SLC16A2: variants seen among roughly 807,000 people sequenced by gnomAD.
SLC16A2 encodes monocarboxylate transporter 8.
In SLC16A2, 3 loss-of-function variants were observed where a neutral mutation model predicts 27.2. The ratio of observed to expected loss-of-function variants is 0.11; its 90% CI spans 0.05 to 0.28. The LOEUF (loss-of-function observed/expected upper bound fraction) is 0.28, where lower values mean the gene tolerates loss of function less well. Among genes scored for constraint, SLC16A2 ranks in the 10% least tolerant of loss-of-function variants. SLC16A2 has a pLI of 1.00. For missense variants in SLC16A2, 295 were observed against 458.5 expected (o/e 0.64, Z 3.26); for synonymous variants, 202 against 187.8 (o/e 1.08, Z -0.62).
At chrX:74,482,396 C>T (rs749586312) in intron 1 of SLC16A2, among the ~76,000 whole-genome samples, 113 of 111,227 alleles carry the variant, frequency 1.0e-3, no homozygotes, top group African/African-American at 1.3e-3. Flanking sequence ...GTTTATTTCT[C>T]GCTCTCTTCT....
rs762205227 is a variant in SLC16A2, at chrX:74,531,532, C to G, written c.1599C>G (p.Pro533=). 5 of 1,206,255 alleles carry G rather than the reference C, an allele frequency of 4.1e-6. No individual in the cohort carries two copies. In the Admixed American group the frequency reaches 6.5e-5, roughly 16 times the overall value. ...DPNGELLPGS[P]NPEEPI is the part of the protein sequence containing the mutation. ...ATGGGGAGCTACTGCCGGGCTCCCCCAACCCTGAGGAACCAATCTAATGCC... is the reference window on the plus strand; with the variant it reads ...ATGGGGAGCTACTGCCGGGCTCCCCGAACCCTGAGGAACCAATCTAATGCC... The change falls in exon 6 of 6, where the codon CCC becomes CCG. Residue 533 remains proline, a synonymous_variant. Coordinates refer to ENST00000587091, the MANE Select transcript of SLC16A2 (RefSeq NM_006517.5).
At chrX:74,489,045 T>C (rs187992420) in intron 1 of SLC16A2, among the ~76,000 whole-genome samples, 1 of 112,135 alleles carries the variant, frequency 8.9e-6, no homozygotes, top group Non-Finnish European at 1.9e-5. Context: ...ATTTCTTTCA[T>C]TATATTTACC....
intron 1 of SLC16A2, among the ~76,000 whole-genome samples, chrX:74,480,501 G>A (rs918499686): frequency 4.5e-5 from 5 of 112,190 alleles, no homozygotes; most frequent in African/African-American, 1.6e-4. Context: ...TGCACCCACT[G>A]TCTGACAATC....
chrX:74,499,869 T>C (rs1351360892), intron 1 of SLC16A2, among the ~76,000 whole-genome samples: 1 of 111,526 alleles, frequency 9.0e-6, no homozygotes, highest in African/African-American at 3.3e-5. Flanking sequence ...GTCTGCAAGC[T>C]GGGAAGAGAA....
intron 1 of SLC16A2, among the ~76,000 whole-genome samples, chrX:74,433,706 G>A (rs1928573483): frequency 1.8e-5 from 2 of 111,787 alleles, no homozygotes; most frequent in African/African-American, 6.5e-5. Context: ...AGTTCATAAA[G>A]TCTTCATTTT....
chrX:74,447,567 C>T (rs1212749031), intron 1 of SLC16A2, among the ~76,000 whole-genome samples: 4 of 110,014 alleles, frequency 3.6e-5, no homozygotes, highest in Admixed American at 9.8e-5. Context: ...CCTAGCTACT[C>T]AGGAGGCTGG....
At chrX:74,507,645 C>G (rs773808417) in intron 1 of SLC16A2, among the ~76,000 whole-genome samples, 7 of 111,988 alleles carry the variant, frequency 6.3e-5, no homozygotes, top group Non-Finnish European at 3.8e-5. Flanking sequence ...TGGAATCAAC[C>G]TAGGTGTCCA....
chrX:74,527,540 C>G (rs541042983), intron 4 of SLC16A2, among the ~76,000 whole-genome samples: 244 of 112,235 alleles, frequency 2.2e-3, no homozygotes, highest in South Asian at 7.8e-3. Flanking sequence ...AAGACAAGCA[C>G]ATATCTCTGG....
chrX:74,465,964 G>A (rs1422151976), intron 1 of SLC16A2, among the ~76,000 whole-genome samples: 1 of 111,147 alleles, frequency 9.0e-6, no homozygotes, highest in African/African-American at 3.3e-5. Context: ...GTCCTTATCT[G>A]GTGGGAGAGG....
chrX:74,502,830 A>T (rs751113675), intron 1 of SLC16A2, among the ~76,000 whole-genome samples: 1 of 110,938 alleles, frequency 9.0e-6, no homozygotes, highest in South Asian at 3.9e-4. Flanking sequence ...CAGTGCCCTC[A>T]TATTACCCAC....
At chrX:74,507,930 G>A (rs773328140) in intron 1 of SLC16A2, among the ~76,000 whole-genome samples, 2 of 111,811 alleles carry the variant, frequency 1.8e-5, no homozygotes, top group South Asian at 7.5e-4. Flanking sequence ...TATCTTGGCC[G>A]TTGTGAATAG....
At chrX:74,461,007 C>T (rs1417416199) in intron 1 of SLC16A2, among the ~76,000 whole-genome samples, 2 of 111,937 alleles carry the variant, frequency 1.8e-5, no homozygotes, top group African/African-American at 3.2e-5. Context: ...GAAAAGACTT[C>T]GGGAGTGATA....
At chrX:74,504,867 G>A (rs1169102336) in intron 1 of SLC16A2, among the ~76,000 whole-genome samples, 1 of 111,545 alleles carries the variant, frequency 9.0e-6, no homozygotes, top group Non-Finnish European at 1.9e-5. Flanking sequence ...TGGCGCATCT[G>A]TAGACCCAGC....
At chrX:74,457,274 T>A (rs748506727) in intron 1 of SLC16A2, among the ~76,000 whole-genome samples, 1 of 111,691 alleles carries the variant, frequency 9.0e-6, no homozygotes, top group Non-Finnish European at 1.9e-5. Flanking sequence ...GATGGAGTGA[T>A]ATTTTTAAAA....
chrX:74,493,958 C>T (rs1929886684), intron 1 of SLC16A2, among the ~76,000 whole-genome samples: 1 of 111,662 alleles, frequency 9.0e-6, no homozygotes, highest in African/African-American at 3.3e-5. Flanking sequence ...TCTTGCTTCT[C>T]CCCTCCCTCT....
chrX:74,492,336 T>C (rs1480231312), intron 1 of SLC16A2, among the ~76,000 whole-genome samples: 1 of 111,183 alleles, frequency 9.0e-6, no homozygotes, highest in Non-Finnish European at 1.9e-5. Flanking sequence ...AAGTACATTC[T>C]AAGGGTAAAG....
intron 1 of SLC16A2, among the ~76,000 whole-genome samples, chrX:74,484,598 C>T (rs1271030518): frequency 4.5e-5 from 5 of 112,065 alleles, no homozygotes; most frequent in Non-Finnish European, 9.4e-5. Context: ...CCATCATGGC[C>T]TGAAACAGTC....
At chrX:74,501,877 G>A (rs1339695232) in intron 1 of SLC16A2, among the ~76,000 whole-genome samples, 1 of 111,455 alleles carries the variant, frequency 9.0e-6, no homozygotes, top group Non-Finnish European at 1.9e-5. Flanking sequence ...ATGAATTAAT[G>A]GGTGCAGCAC....
chrX:74,426,239 G>A (rs1928399581), intron 1 of SLC16A2, among the ~76,000 whole-genome samples: 1 of 112,269 alleles, frequency 8.9e-6, no homozygotes, highest in Non-Finnish European at 1.9e-5. Flanking sequence ...GTCCAGCAGA[G>A]CTAGATCAGG....
Sources: gnomAD v4.1 joint callset for allele counts (sites outside exome capture counted in the v4.1 genomes callset) on GRCh38, gnomAD v4.1.1 for gene constraint, MANE v1.5 for transcripts, NCBI Gene and HGNC (gene_info 2026-07-23, HGNC 2026-07-21) for gene names.